The following NRTN variants were observed in gnomAD, a reference collection of about 807,000 sequenced individuals.
NRTN encodes the protein prepro-neurturin.
Under a neutral mutation model 7.5 loss-of-function variants are expected in NRTN, and 3 were observed. The ratio of observed to expected loss-of-function variants is 0.40; its 90% CI spans 0.18 to 1.03. The LOEUF is 1.03. Ranked by LOEUF, NRTN falls within the 50% of genes least tolerant of loss-of-function variation. The probability of loss-of-function intolerance (pLI) is 0.34; values close to 1 mark genes in which losing one functional copy is unlikely to be tolerated. For missense variants in NRTN, 310 were observed against 307.0 expected (o/e 1.01, Z -0.07); for synonymous variants, 157 against 146.6 (o/e 1.07, Z -0.51).
chr19:5,827,968 G>A lies in NRTN; in HGVS notation c.389G>A (p.Cys130Tyr). ...GACGAGACGGTGCTGTTCCGCTACT[G>A]CGCAGGCGCCTGCGAGGCTGCCGCG... ...ASDETVLFRYCAGACEAAARV... is the reference protein window; with the variant it reads ...ASDETVLFRYYAGACEAAARV... Residue 130 changes from cysteine to tyrosine, a missense_variant, in exon 3 of 3, where the codon TGC (cysteine) becomes TAC (tyrosine). Cys to Tyr is a radical substitution (Grantham distance 194). Transcript: ENST00000303212. 6.8e-7 allele frequency: 1 copy of A among 1,476,700 alleles called. No individual in the cohort carries two copies. Among genetic ancestry groups the A allele is most frequent in the Admixed American group, 2.2e-5 (1 of 44,466 alleles). 91.5% of individuals were successfully genotyped at this position (1,476,700 alleles called of 1,614,324 possible). A position where few individuals can be genotyped will look rare whatever the true frequency, so the allele number is the denominator to read the frequency against.
chr19:5,818,648 G>A (rs1478274602), intron 1 of NRTN, among the ~76,000 whole-genome samples: 3 of 152,048 alleles, frequency 2.0e-5, no homozygotes, highest in Admixed American at 6.6e-5. Context: ...ACCTACAAAT[G>A]TGTGTCTCTA....
intron 1 of NRTN, among the ~76,000 whole-genome samples, chr19:5,814,328 G>T (rs979471559): frequency 6.6e-6 from 1 of 152,218 alleles, no homozygotes; most frequent in African/African-American, 2.4e-5. Context: ...AGGGTTTCTG[G>T]TGGAGGGGCT....
chr19:5,828,215 T>C lies in NRTN; in HGVS notation c.*42T>C. On this transcript the variant is annotated 3_prime_UTR_variant, in exon 3 of 3. Transcript: ENST00000303212. ...CGGCGCGGCGGCCACTCCCCCCGCC[T>C]CGACGGCACCACTGGCCGGCCCCGC... 1 of 1,525,940 alleles carries C rather than the reference T, an allele frequency of 6.6e-7. No individual in the cohort carries two copies. The highest frequency in any genetic ancestry group is 8.8e-7 in the Non-Finnish European group (1 of 1,142,144). The allele number at this position is 1,525,940 out of a possible 1,614,324, so 94.5% of individuals were successfully genotyped here. A position where few individuals can be genotyped will look rare whatever the true frequency, so the allele number is the denominator to read the frequency against.
At position 5,815,344 on chromosome 19, in the gene NRTN, A is replaced by AGTGT. The variant is rs139182799; in HGVS notation, c.-398-8410_-398-8407dup. On this transcript the variant is annotated intron_variant, in intron 1 of 2. Coordinates refer to ENST00000303212, the MANE Select transcript of NRTN (RefSeq NM_004558.5). ...TGGTTTTTCACTGTGGGGTTGTTCA[A>AGTGT]GTGTGTGTGTGTGTGTGCAAACACC... Among the ~76,000 whole-genome samples the AGTGT allele has an allele frequency of 6.3e-3, 945 of 150,108 alleles. 8 individuals are homozygous for AGTGT. Among genetic ancestry groups the AGTGT allele is most frequent in the African/African-American group, 0.02 (821 of 40,834 alleles).
At chr19:5,818,951 G>A (rs1433684793) in intron 1 of NRTN, among the ~76,000 whole-genome samples, 2 of 152,160 alleles carry the variant, frequency 1.3e-5, no homozygotes, top group African/African-American at 2.4e-5. Context: ...AAGGCCTCCA[G>A]GGGGTCCTGT....
chr19:5,827,693 C>G, intron 2 of NRTN, 56 bp from the exon 3 acceptor site: 1 of 611,988 alleles, frequency 1.6e-6, no homozygotes, highest in Non-Finnish European at 2.2e-6. Context: ...GTAGGGGGCT[C>G]CCTCCCACCC....
chr19:5,812,919 G>A (rs937082673), intron 1 of NRTN, among the ~76,000 whole-genome samples: 48 of 152,290 alleles, frequency 3.2e-4, no homozygotes, highest in Non-Finnish European at 4.4e-4. Context: ...TGTATGCCGC[G>A]GCGTTCACAC....
chr19:5,824,107 T>C lies in NRTN; in HGVS notation c.-59T>C. 6.3e-7 allele frequency: 1 copy of C among 1,596,282 alleles called. No individual in the cohort carries two copies. Among genetic ancestry groups the C allele is most frequent in the Non-Finnish European group, 8.5e-7 (1 of 1,177,512 alleles). On this transcript the variant is annotated 5_prime_UTR_variant, in exon 2 of 3. Transcript: ENST00000303212. ...TCCTGGCCCAGCGCCCTGTGCCCGTTGGCTGCTGGAGGGACAGACGGGGCG... is the reference window on the plus strand; with the variant it reads ...TCCTGGCCCAGCGCCCTGTGCCCGTCGGCTGCTGGAGGGACAGACGGGGCG...
At chr19:5,813,327 G>A (rs1009609577) in intron 1 of NRTN, among the ~76,000 whole-genome samples, 2 of 151,844 alleles carry the variant, frequency 1.3e-5, no homozygotes, top group Admixed American at 6.6e-5. Flanking sequence ...CTGAAGTGAG[G>A]AGTTTGAGAC....
intron 1 of NRTN, among the ~76,000 whole-genome samples, chr19:5,817,267 T>A (rs997874951): frequency 2.0e-5 from 3 of 151,772 alleles, no homozygotes; most frequent in Non-Finnish European, 4.4e-5. Flanking sequence ...GGCAGGAGGA[T>A]CACTTGAGCC....
chr19:5,808,842 G>A (rs1366096624), intron 1 of NRTN, among the ~76,000 whole-genome samples: 3 of 146,164 alleles, frequency 2.1e-5, no homozygotes, highest in Non-Finnish European at 4.5e-5. Context: ...TGCAAGCTCC[G>A]CCTCCCGGGT....
chr19:5,821,053 C>G (rs74254993), intron 1 of NRTN, among the ~76,000 whole-genome samples: 14,875 of 152,272 alleles, frequency 0.098, 1,430 homozygotes, highest in East Asian at 0.44. Context: ...CTATGGCTGA[C>G]TTCTCACACT....
intron 1 of NRTN, among the ~76,000 whole-genome samples, chr19:5,823,082 AAG>A (rs200793065): frequency 2.2e-5 from 3 of 137,550 alleles, no homozygotes; most frequent in African/African-American, 7.7e-5. Context: ...GAGAAAAAGA[AAG>A]AGAGAAGAAA....
Position 5,827,929 on chromosome 19 carries a change from T to G in NRTN, c.350T>G (p.Leu117Arg). 2 of 1,481,708 alleles carry G rather than the reference T, an allele frequency of 1.3e-6. No individual in the cohort carries two copies. The highest frequency in any genetic ancestry group is 1.8e-6 in the Non-Finnish European group (2 of 1,120,354). The allele number at this position is 1,481,708 out of a possible 1,614,324, so 91.8% of individuals were successfully genotyped here. A position where few individuals can be genotyped will look rare whatever the true frequency, so the allele number is the denominator to read the frequency against. ...ELEVRVSELG[L>R]GYASDETVLF... ...GAGGTGCGCGTGAGCGAGCTGGGCCTGGGCTACGCGTCCGACGAGACGGTG... is the reference window on the plus strand; with the variant it reads ...GAGGTGCGCGTGAGCGAGCTGGGCCGGGGCTACGCGTCCGACGAGACGGTG... The change falls in exon 3 of 3, where the codon CTG (leucine) becomes CGG (arginine). Residue 117 changes from leucine to arginine, a missense_variant. Coordinates refer to ENST00000303212, the MANE Select transcript of NRTN (RefSeq NM_004558.5).
chr19:5,805,712 G>A (rs1192473028), intron 1 of NRTN, among the ~76,000 whole-genome samples: 1 of 152,022 alleles, frequency 6.6e-6, no homozygotes, highest in East Asian at 1.9e-4. Flanking sequence ...GACGGGGCGG[G>A]CGCACTCCTG....
At chr19:5,814,397 T>C (rs911721609) in intron 1 of NRTN, among the ~76,000 whole-genome samples, 2 of 152,120 alleles carry the variant, frequency 1.3e-5, no homozygotes, top group African/African-American at 4.8e-5. Context: ...TAGGCCCCAA[T>C]TCCAGGCCTC....
At chr19:5,812,392 T>C (rs2056993015) in intron 1 of NRTN, among the ~76,000 whole-genome samples, 1 of 152,116 alleles carries the variant, frequency 6.6e-6, no homozygotes, top group South Asian at 2.1e-4. Context: ...TCAGCTTCTG[T>C]GCTGGGGGAA....
intron 2 of NRTN, among the ~76,000 whole-genome samples, chr19:5,827,320 G>C (rs1568400964): frequency 1.3e-5 from 2 of 151,052 alleles, no homozygotes; most frequent in African/African-American, 4.9e-5. Flanking sequence ...CCCAGCATAG[G>C]GGCGGGGTCC....
Position 5,824,290 on chromosome 19 carries a change from G to T in NRTN, c.125G>T (p.Arg42Leu). Reference protein sequence around the residue: ...RLGPALVPLHRLPRTLDARIA... With the variant: ...RLGPALVPLHLLPRTLDARIA... The stretch of plus-strand genomic sequence containing the variant: ...GGACCTGCGCTGGTCCCCCTGCACC[G>T]CCTGCCTCGAACCCTGGACGCCCGG... Residue 42 changes from arginine (R) to leucine (L), a missense_variant, in exon 2 of 3, where the codon CGC becomes CTC. Transcript: ENST00000303212. 6.2e-7 allele frequency: 1 copy of T among 1,609,092 alleles called. No individual in the cohort carries two copies. Among genetic ancestry groups the T allele is most frequent in the African/African-American group, 1.3e-5 (1 of 75,028 alleles).
Sources: allele counts gnomAD v4.1 joint callset (sites outside exome capture counted in the v4.1 genomes callset), GRCh38; gene constraint gnomAD v4.1.1; transcripts MANE v1.5; gene names NCBI Gene and HGNC (gene_info 2026-07-23, HGNC 2026-07-21).